Variants in TMLHE observed in about 807,000 individuals in gnomAD.
The protein encoded by TMLHE is trimethyllysine hydroxylase, epsilon.
Under a neutral mutation model 25.7 loss-of-function variants are expected in TMLHE, and 18 were observed. That is an observed-to-expected ratio of 0.70 (90% CI 0.48 to 1.04). The LOEUF (loss-of-function observed/expected upper bound fraction) is 1.04. Ranked by LOEUF, TMLHE falls within the 50% of genes least tolerant of loss-of-function variation. The pLI, the probability that TMLHE is intolerant of heterozygous loss-of-function variation, is 0.00. For missense variants in TMLHE, 236 were observed against 259.0 expected (o/e 0.91, Z 0.61); for synonymous variants, 105 against 97.0 (o/e 1.08, Z -0.49).
intron 1 of TMLHE, among the ~76,000 whole-genome samples, chrX:155,568,725 G>C (rs1251134750): frequency 1.7e-5 from 1 of 58,205 alleles, no homozygotes; most frequent in African/African-American, 3.7e-5. Flanking sequence ...AGGCAAACAG[G>C]GTCTGGAGTG....
intron 1 of TMLHE, among the ~76,000 whole-genome samples, chrX:155,547,528 A>C (rs953611488): frequency 2.7e-5 from 3 of 111,599 alleles, no homozygotes; most frequent in Non-Finnish European, 5.6e-5. Context: ...ACAAACTAGC[A>C]GGGAAGAAAG....
chrX:155,546,833 C>G (rs782617617), intron 1 of TMLHE, among the ~76,000 whole-genome samples: 1 of 110,959 alleles, frequency 9.0e-6, no homozygotes. Flanking sequence ...CTGTCTGAAA[C>G]AGGGGCTGGC....
intron 1 of TMLHE, among the ~76,000 whole-genome samples, chrX:155,596,647 G>C (rs992860357): frequency 3.2e-4 from 36 of 111,906 alleles, no homozygotes; most frequent in Non-Finnish European, 6.4e-4. Flanking sequence ...ACCTCAGTCA[G>C]TTGCCCAATA....
chrX:155,583,382 C>T (rs782563205), intron 1 of TMLHE, among the ~76,000 whole-genome samples: 2 of 111,143 alleles, frequency 1.8e-5, no homozygotes, highest in South Asian at 3.8e-4. Flanking sequence ...CATCAGCTCT[C>T]GTGAGACTTA....
intron 1 of TMLHE, among the ~76,000 whole-genome samples, chrX:155,559,730 G>A (rs183706093): frequency 1.8e-5 from 2 of 112,245 alleles, no homozygotes; most frequent in African/African-American, 6.5e-5. Flanking sequence ...CCTTCCAAAT[G>A]TCTTTCAGAT....
At chrX:155,506,565 C>G (rs1195930286) in intron 6 of TMLHE, among the ~76,000 whole-genome samples, 1 of 111,508 alleles carries the variant, frequency 9.0e-6, no homozygotes, top group Non-Finnish European at 1.9e-5. Flanking sequence ...TTGCATAAAT[C>G]TGGGCTGGAT....
chrX:155,523,470 T>A (rs781966886), intron 3 of TMLHE, among the ~76,000 whole-genome samples: 1 of 111,521 alleles, frequency 9.0e-6, no homozygotes. Context: ...TTGCCAAAGA[T>A]AAGTTGACTA....
At chrX:155,561,968 A>C (rs2067498449) in intron 1 of TMLHE, among the ~76,000 whole-genome samples, 1 of 62,300 alleles carries the variant, frequency 1.6e-5, no homozygotes, top group African/African-American at 3.6e-5. Flanking sequence ...CCAGGTGTAC[A>C]GTGCAAGCTG....
chrX:155,537,175 C>T (rs2067283772), intron 2 of TMLHE, among the ~76,000 whole-genome samples: 1 of 111,981 alleles, frequency 8.9e-6, no homozygotes, highest in African/African-American at 3.2e-5. Flanking sequence ...TTAGAAAGAG[C>T]ACTCTAGTTT....
intron 1 of TMLHE, among the ~76,000 whole-genome samples, chrX:155,555,381 G>A (rs1275927517): frequency 4.5e-5 from 5 of 109,965 alleles, no homozygotes; most frequent in Non-Finnish European, 9.5e-5. Context: ...ATAATCCTTT[G>A]GGTATATACC....
intron 2 of TMLHE, among the ~76,000 whole-genome samples, chrX:155,540,492 G>GA (rs2067304197): frequency 9.1e-6 from 1 of 109,761 alleles, no homozygotes; most frequent in African/African-American, 3.3e-5. Context: ...TAAACAAAAG[G>GA]AGAGGAAGTT....
At chrX:155,505,839 T>C (rs374516382) in intron 6 of TMLHE, among the ~76,000 whole-genome samples, 2 of 111,869 alleles carry the variant, frequency 1.8e-5, no homozygotes, top group East Asian at 5.6e-4. Flanking sequence ...TCTTGGTAGA[T>C]GCTCATGAAA....
At chrX:155,576,137 A>T (rs1412010422) in intron 1 of TMLHE, among the ~76,000 whole-genome samples, 1 of 111,744 alleles carries the variant, frequency 8.9e-6, no homozygotes, top group Non-Finnish European at 1.9e-5. Context: ...CTGATTTAAA[A>T]AAAAATCAGC....
intron 5 of TMLHE, among the ~76,000 whole-genome samples, chrX:155,510,519 G>A (rs76536573): frequency 0.55 from 57,407 of 103,681 alleles, 14,214 homozygotes; most frequent in Middle Eastern, 0.78. Context: ...TTGTTCTTGT[G>A]ATAGTTTGCT....
intron 2 of TMLHE, among the ~76,000 whole-genome samples, chrX:155,542,899 T>G (rs1603043117): frequency 9.0e-6 from 1 of 110,976 alleles, no homozygotes; most frequent in South Asian, 3.8e-4. Context: ...TAATATAATA[T>G]GCCCATGTGT....
At chrX:155,588,053 C>T (rs373667690) in intron 1 of TMLHE, among the ~76,000 whole-genome samples, 12 of 111,403 alleles carry the variant, frequency 1.1e-4, no homozygotes, top group African/African-American at 3.6e-4. Flanking sequence ...CAATACTAAG[C>T]AAAAAGAACA....
chrX:155,523,486 C>T (rs1251094588), intron 3 of TMLHE, among the ~76,000 whole-genome samples: 2 of 111,279 alleles, frequency 1.8e-5, no homozygotes, highest in Non-Finnish European at 3.8e-5. Flanking sequence ...GACTATATTT[C>T]TGTGGATCTA....
intron 1 of TMLHE, among the ~76,000 whole-genome samples, chrX:155,577,520 C>T (rs782562623): frequency 3.7e-5 from 4 of 108,117 alleles, no homozygotes; most frequent in African/African-American, 1.4e-4. Context: ...GCAGAGACTG[C>T]AGTGAGCTGA....
intron 2 of TMLHE, among the ~76,000 whole-genome samples, chrX:155,537,201 A>T (rs1422317524): frequency 8.9e-6 from 1 of 112,106 alleles, no homozygotes. Context: ...TGGATAATGG[A>T]TCATCAGGAG....
Sources: allele counts gnomAD v4.1 joint callset (sites outside exome capture counted in the v4.1 genomes callset), GRCh38; gene constraint gnomAD v4.1.1; transcripts MANE v1.5; gene names NCBI Gene and HGNC (gene_info 2026-07-23, HGNC 2026-07-21).